The following TAFA5 variants were observed in gnomAD, a reference collection of about 807,000 sequenced individuals.
TAFA5 encodes TAFA chemokine like family member 5.
TAFA5 carries 6 observed loss-of-function variants against 15.3 expected under a neutral mutation model. That is an observed-to-expected ratio of 0.39 (90% CI 0.21 to 0.77). The LOEUF (loss-of-function observed/expected upper bound fraction) is 0.77. Among genes scored for constraint, TAFA5 ranks in the 30% least tolerant of loss-of-function variants. The pLI is 0.41. For missense variants in TAFA5, 161 were observed against 193.1 expected (o/e 0.83, Z 0.98); for synonymous variants, 103 against 80.7 (o/e 1.28, Z -1.48).
At chr22:48,528,351 T>G (rs555944236) in intron 1 of TAFA5, among the ~76,000 whole-genome samples, 1 of 152,014 alleles carries the variant, frequency 6.6e-6, no homozygotes, top group African/African-American at 2.4e-5. Flanking sequence ...AGGAAAGGGT[T>G]CTGCTCTGGG....
chr22:48,592,542 G>A (rs1275879149), intron 1 of TAFA5, among the ~76,000 whole-genome samples: 1 of 152,216 alleles, frequency 6.6e-6, no homozygotes, highest in Non-Finnish European at 1.5e-5. Flanking sequence ...TCTGATTTGG[G>A]CTGAAGAACC....
intron 3 of TAFA5, among the ~76,000 whole-genome samples, chr22:48,724,392 G>A (rs1259408271): frequency 2.0e-5 from 3 of 152,246 alleles, no homozygotes; most frequent in South Asian, 4.1e-4. Context: ...CCCTCCTCCC[G>A]ACACCTGGGA....
chr22:48,633,955 C>T (rs562205919), intron 1 of TAFA5, among the ~76,000 whole-genome samples: 34 of 152,340 alleles, frequency 2.2e-4, no homozygotes, highest in African/African-American at 6.7e-4. Flanking sequence ...GCGAGGCCCC[C>T]ACGCTTTCCA....
chr22:48,739,774 G>A (rs911462069), intron 3 of TAFA5, among the ~76,000 whole-genome samples: 6 of 152,152 alleles, frequency 3.9e-5, no homozygotes, highest in Non-Finnish European at 8.8e-5. Flanking sequence ...TGCTTTCATT[G>A]CTTGTGGACT....
intron 1 of TAFA5, among the ~76,000 whole-genome samples, chr22:48,531,537 T>C (rs1224689774): frequency 6.6e-6 from 1 of 152,200 alleles, no homozygotes; most frequent in Non-Finnish European, 1.5e-5. Context: ...TGTGGGTTAC[T>C]GACTTGGTTT....
At chr22:48,692,284 AG>A (rs1222699216) in intron 2 of TAFA5, among the ~76,000 whole-genome samples, 2 of 152,152 alleles carry the variant, frequency 1.3e-5, no homozygotes, top group African/African-American at 4.8e-5. Flanking sequence ...GCTGAGAGTC[AG>A]GGGTCCGCTG....
At chr22:48,496,358 G>A (rs1169726649) in intron 1 of TAFA5, among the ~76,000 whole-genome samples, 5 of 151,420 alleles carry the variant, frequency 3.3e-5, no homozygotes, top group Non-Finnish European at 7.4e-5. Flanking sequence ...TGCTGGCCTC[G>A]GGGGACTGAC....
intron 1 of TAFA5, among the ~76,000 whole-genome samples, chr22:48,582,828 C>CAG (rs1924125957): frequency 1.5e-5 from 2 of 132,510 alleles, no homozygotes; most frequent in South Asian, 4.9e-4. Context: ...ACACCACACA[C>CAG]AATAAACCAC....
intron 1 of TAFA5, among the ~76,000 whole-genome samples, chr22:48,578,739 C>T (rs543242620): frequency 1.5e-4 from 23 of 152,330 alleles, no homozygotes; most frequent in African/African-American, 5.5e-4. Flanking sequence ...AGCCCTGCTG[C>T]CTGTCTGTCT....
intron 2 of TAFA5, among the ~76,000 whole-genome samples, chr22:48,648,482 G>A (rs780430374): frequency 3.5e-4 from 54 of 152,154 alleles, no homozygotes; most frequent in Non-Finnish European, 5.6e-4. Flanking sequence ...GGGATGGGGC[G>A]TACAGAGACA....
intron 1 of TAFA5, among the ~76,000 whole-genome samples, chr22:48,603,083 C>T (rs1925033905): frequency 6.6e-6 from 1 of 152,224 alleles, no homozygotes; most frequent in Non-Finnish European, 1.5e-5. Flanking sequence ...ACACAGCCAT[C>T]ACCCAGGGAC....
At chr22:48,667,500 C>T (rs183698677) in intron 2 of TAFA5, among the ~76,000 whole-genome samples, 23 of 152,298 alleles carry the variant, frequency 1.5e-4, no homozygotes, top group African/African-American at 4.8e-4. Flanking sequence ...TGTTAGTGAA[C>T]GTCTTCCACG....
chr22:48,516,877 C>T (rs1162861057), intron 1 of TAFA5, among the ~76,000 whole-genome samples: 1 of 152,184 alleles, frequency 6.6e-6, no homozygotes. Context: ...GGGATGTGCA[C>T]GACCCCATCC....
At chr22:48,678,043 C>A (rs1430241132) in intron 2 of TAFA5, among the ~76,000 whole-genome samples, 1 of 152,148 alleles carries the variant, frequency 6.6e-6, no homozygotes, top group Non-Finnish European at 1.5e-5. Flanking sequence ...CCTATCCCCG[C>A]CCCCGTTGCT....
intron 3 of TAFA5, among the ~76,000 whole-genome samples, chr22:48,721,080 C>G (rs1929555457): frequency 6.6e-6 from 1 of 152,150 alleles, no homozygotes; most frequent in Admixed American, 6.5e-5. Flanking sequence ...GTGTGGTTGC[C>G]CAAGCAGGAA....
At position 48,623,765 on chromosome 22, in the gene TAFA5, G is replaced by A. The variant is rs576891296; in HGVS notation, c.113-22832G>A. Among the ~76,000 whole-genome samples the A allele has an allele frequency of 3.9e-5, 6 of 152,360 alleles. No homozygotes were observed. In the East Asian group the frequency reaches 5.8e-4, roughly 15 times the overall value. On this transcript the variant is annotated intron_variant, in intron 1 of 3. Transcript: ENST00000402357. The stretch of plus-strand genomic sequence containing the variant: ...CACGTCAGAAAGCCTATTGCCCTTC[G>A]TATTTCCTACAGATACTTTAACAGA...
intron 1 of TAFA5, among the ~76,000 whole-genome samples, chr22:48,609,827 TG>T (rs1925334193): frequency 6.6e-6 from 1 of 152,180 alleles, no homozygotes; most frequent in Admixed American, 6.5e-5. Context: ...TGGCTGCCCG[TG>T]GCTCAGGCAG....
rs189071237 is a variant in TAFA5, at chr22:48,687,864, G to T, written c.263-19853G>T. Among the ~76,000 whole-genome samples the T allele has an allele frequency of 7.9e-5, 12 of 152,296 alleles. No homozygotes were observed. In the East Asian group the frequency reaches 2.1e-3, roughly 27 times the overall value. ...GAGTGCGGCTCCACCAGCACTTAGC[G>T]CCTGGGACCTCCTGGAACCAGACAG... On this transcript the variant is annotated intron_variant, in intron 2 of 3. Transcript: ENST00000402357.
chr22:48,692,308 C>T (rs738691), intron 2 of TAFA5, among the ~76,000 whole-genome samples: 33,973 of 152,212 alleles, frequency 0.22, 4,131 homozygotes, highest in South Asian at 0.34. Flanking sequence ...GCCCTGGGCC[C>T]CTCCCTCCTT....
Sources: gnomAD v4.1 joint callset for allele counts (sites outside exome capture counted in the v4.1 genomes callset) on GRCh38, gnomAD v4.1.1 for gene constraint, MANE v1.5 for transcripts, NCBI Gene and HGNC (gene_info 2026-07-23, HGNC 2026-07-21) for gene names.